The following ABCC12 variants were observed in gnomAD, a reference collection of about 807,000 sequenced individuals.
ABCC12 encodes the protein ATP-binding cassette sub-family C member 12.
In ABCC12, 142 loss-of-function variants were observed where a neutral mutation model predicts 151.1. That is an observed-to-expected ratio of 0.94 (90% CI 0.82 to 1.08). ABCC12 has a LOEUF of 1.08. Ranked by LOEUF, ABCC12 falls within the 50% of genes least tolerant of loss-of-function variation. The pLI is 0.00. For missense variants in ABCC12, 1,638 were observed against 1,691.1 expected (o/e 0.97, Z 0.55); for synonymous variants, 645 against 646.4 (o/e 1.00, Z 0.03).
In ABCC12 at chr16:48,100,898, A is replaced by G. The variant is rs776346454; in HGVS notation, c.3012T>C (p.Tyr1004=). The G allele has an allele frequency of 3.7e-6, 6 of 1,614,058 alleles. No homozygotes were observed. In the African/African-American group the frequency reaches 6.7e-5, roughly 18 times the overall value. The change falls in exon 23 of 31, where the codon TAT becomes TAC. Residue 1004 remains tyrosine (Y), a synonymous_variant. Transcript: ENST00000311303. ...AGGTGATGCAGCTCTCCTTCTTGCC[A>G]TAGGCGTGAATGATGCCCAGGCCCT... is the stretch of plus-strand genomic sequence containing the variant. ...SMQGLGIIHA[Y]GKKESCITYH... is the part of the protein sequence containing the mutation.
Position 48,130,728 on chromosome 16 carries a change from G to A in ABCC12, c.1236+60C>T, listed in dbSNP as rs1460343769. On this transcript the variant is annotated intron_variant, in intron 10 of 30. Coordinates refer to ENST00000311303, the MANE Select transcript of ABCC12 (RefSeq NM_001393797.1). ...AGCTTGGTACAGCCTCCACATATCT[G>A]AGCATTTTCCCACCCCAAAATGAGA... The A allele has an allele frequency of 4.4e-6, 6 of 1,373,154 alleles. No individual in the cohort carries two copies. The African/African-American group carries it at 8.6e-5, about 20-fold the overall frequency. 85.1% of individuals were successfully genotyped at this position (1,373,154 alleles called of 1,614,324 possible). A position where few individuals can be genotyped will look rare whatever the true frequency, so the allele number is the denominator to read the frequency against.
At chr16:48,108,595 G>T in intron 18 of ABCC12, 66 bp from the exon 19 acceptor site, 2 of 1,341,266 alleles carry the variant, frequency 1.5e-6, no homozygotes, top group Non-Finnish European at 2.1e-6. Context: ...AGGTAGGCAC[G>T]GCCCCTCCAC....
chr16:48,115,225 G>T (rs965393775), intron 15 of ABCC12, among the ~76,000 whole-genome samples, 190 bp downstream of exon 15: 2 of 152,144 alleles, frequency 1.3e-5, no homozygotes, highest in African/African-American at 4.8e-5. Context: ...GGCCATGCAT[G>T]GAGTGGAAGA....
intron 24 of ABCC12, among the ~76,000 whole-genome samples, chr16:48,092,175 T>C (rs1962926433): frequency 6.6e-6 from 1 of 152,302 alleles, no homozygotes; most frequent in South Asian, 2.1e-4. Flanking sequence ...AAAGAAAACC[T>C]TTCTCTTGTT....
In ABCC12 at chr16:48,101,561, G is replaced by A. The variant is rs75377740; in HGVS notation, c.2901-552C>T. On this transcript the variant is annotated intron_variant, in intron 22 of 30. Transcript: ENST00000311303. ...GGTGAGCAGGAGACCAGGGACCTCGGGTGTTTACAGCAGCTGGCTGGCCCC... is the reference window on the plus strand; with the variant it reads ...GGTGAGCAGGAGACCAGGGACCTCGAGTGTTTACAGCAGCTGGCTGGCCCC... 3.5e-3 allele frequency among the ~76,000 whole-genome samples: 524 copies of A among 151,464 alleles called. 1 individual carries two copies. Among genetic ancestry groups the A allele is most frequent in the Non-Finnish European group, 6.5e-3 (437 of 67,414 alleles).
At chr16:48,090,666 A>T (rs1007947321) in intron 25 of ABCC12, among the ~76,000 whole-genome samples, 2 of 152,202 alleles carry the variant, frequency 1.3e-5, no homozygotes, top group Non-Finnish European at 2.9e-5. Flanking sequence ...TTCAGAATGT[A>T]TTGTAAATAC....
intron 13 of ABCC12, among the ~76,000 whole-genome samples, chr16:48,119,626 T>C (rs1335889092): frequency 6.6e-6 from 1 of 152,164 alleles, no homozygotes; most frequent in Non-Finnish European, 1.5e-5. Flanking sequence ...AGGAGGTGAA[T>C]TGACAAGCCT....
At chr16:48,085,846 A>G (rs1962573300) in intron 28 of ABCC12, 140 bp from the exon 29 acceptor site, 2 of 670,848 alleles carry the variant, frequency 3.0e-6, no homozygotes, top group Admixed American at 2.6e-5. Flanking sequence ...AACAACAATC[A>G]TTTCAATATT....
chr16:48,085,506 G>C, intron 29 of ABCC12, 87 bp downstream of exon 29: 1 of 1,107,576 alleles, frequency 9.0e-7, no homozygotes, highest in South Asian at 1.3e-5. Flanking sequence ...TTTGCTGAAA[G>C]ACATACACGT....
chr16:48,096,596 C>T, intron 24 of ABCC12, 150 bp downstream of exon 24: 2 of 834,116 alleles, frequency 2.4e-6, no homozygotes, highest in Middle Eastern at 3.8e-4. Context: ...CACAACCATC[C>T]TACTTTTTAA....
At chr16:48,107,509 G>T in intron 19 of ABCC12, 84 bp from the exon 20 acceptor site, 1 of 1,221,372 alleles carries the variant, frequency 8.2e-7, no homozygotes, top group Non-Finnish European at 1.2e-6. Flanking sequence ...CAACCCTGAT[G>T]GGAAATTCAA....
chr16:48,144,298 C>CAAAATTAAATT (rs1247264660), intron 3 of ABCC12, among the ~76,000 whole-genome samples: 2 of 152,138 alleles, frequency 1.3e-5, no homozygotes, highest in Non-Finnish European at 2.9e-5. Flanking sequence ...AGTCAATATT[C>CAAAATTAAATT]AAAATTAAAT....
At chr16:48,129,862 A>G (rs1324391042) in intron 10 of ABCC12, among the ~76,000 whole-genome samples, 1 of 152,198 alleles carries the variant, frequency 6.6e-6, no homozygotes, top group Non-Finnish European at 1.5e-5. Flanking sequence ...CTGATATCAT[A>G]ATACATGCAA....
At chr16:48,155,324 G>T (rs964703537) in intron 1 of ABCC12, among the ~76,000 whole-genome samples, 1 of 151,046 alleles carries the variant, frequency 6.6e-6, no homozygotes, top group Non-Finnish European at 1.5e-5. Flanking sequence ...GCAGAGCCTG[G>T]ATTCAGAGCA....
Position 48,105,259 on chromosome 16 carries a change from G to T in ABCC12, c.2553C>A (p.Tyr851Ter), listed in dbSNP as rs1012867216. The change falls in exon 21 of 31, where the codon TAC (tyrosine) becomes TAA (stop). Residue 851 changes from tyrosine (Y) to a stop codon, truncating the protein, a stop_gained. Coordinates refer to ENST00000311303, the MANE Select transcript of ABCC12 (RefSeq NM_001393797.1). LOFTEE classifies it high-confidence loss of function. ...CCATGCTTGCAGTGTACACCCACTG[G>T]TACACATGCTGACCGATGTCTGCCA... ...AVLADIGQHV[Y>*]QWVYTASMVF... The T allele has an allele frequency of 1.2e-6, 2 of 1,614,040 alleles. No individual in the cohort carries two copies.
rs1316366797 is a variant in ABCC12 at position 48,141,051 on chromosome 16, G to A, written c.424-131C>T. On this transcript the variant is annotated intron_variant, in intron 5 of 30. Coordinates refer to ENST00000311303, the MANE Select transcript of ABCC12 (RefSeq NM_001393797.1). ...AATTAATTTTAGTGGCTGCTGCTGTGCTTGACAAGGATTCACTTTATGAAA... is the reference window on the plus strand; with the variant it reads ...AATTAATTTTAGTGGCTGCTGCTGTACTTGACAAGGATTCACTTTATGAAA... 23 of 1,385,060 alleles carry A rather than the reference G, an allele frequency of 1.7e-5. No individual in the cohort carries two copies. The African/African-American group carries it at 3.1e-4, about 18-fold the overall frequency. 85.8% of individuals were successfully genotyped at this position (1,385,060 alleles called of 1,614,324 possible).
intron 18 of ABCC12, 55 bp downstream of exon 18, chr16:48,111,381 T>C (rs1251217638): frequency 1.1e-5 from 17 of 1,578,094 alleles, no homozygotes; most frequent in Admixed American, 3.3e-5. Flanking sequence ...TCCCAAACGG[T>C]AGATGCCCAA....
intron 8 of ABCC12, among the ~76,000 whole-genome samples, chr16:48,134,598 A>G (rs552507220): frequency 3.2e-4 from 48 of 152,210 alleles, no homozygotes; most frequent in African/African-American, 1.2e-3. Flanking sequence ...TTTGTTCTAA[A>G]TTTCTTCCTG....
intron 2 of ABCC12, among the ~76,000 whole-genome samples, chr16:48,151,713 T>C (rs1251673330): frequency 6.6e-6 from 1 of 152,176 alleles, no homozygotes; most frequent in Non-Finnish European, 1.5e-5. Context: ...AAATTCAAGA[T>C]GATGGTTACC....
Sources: gnomAD v4.1 joint callset for allele counts (sites outside exome capture counted in the v4.1 genomes callset) on GRCh38, gnomAD v4.1.1 for gene constraint, MANE v1.5 for transcripts, NCBI Gene and HGNC (gene_info 2026-07-23, HGNC 2026-07-21) for gene names.